The following OR9Q1 variants were observed in gnomAD, a reference collection of about 807,000 sequenced individuals.
OR9Q1 encodes the protein olfactory receptor 9Q1.
For synonymous variants in OR9Q1, 153 were observed against 148.6 expected, an observed-to-expected ratio of 1.03 and a Z score of -0.22; for missense variants, 374 against 378.8, an observed-to-expected ratio of 0.99 and a Z score of 0.11.
At chr11:58,082,760 AT>A (rs1287512627) in intron 2 of OR9Q1, among the ~76,000 whole-genome samples, 6 of 130,788 alleles carry the variant, frequency 4.6e-5, no homozygotes, top group African/African-American at 1.3e-4. Context: ...AATAATAATA[AT>A]AATAATAATA....
chr11:58,106,646 T>C (rs897027301), intron 2 of OR9Q1, among the ~76,000 whole-genome samples: 9 of 152,186 alleles, frequency 5.9e-5, no homozygotes, highest in African/African-American at 2.2e-4. Flanking sequence ...TTTAAGTTTT[T>C]AATCTGTTTA....
chr11:58,118,261 T>G (rs1853978504), intron 2 of OR9Q1: 1 of 385,728 alleles, frequency 2.6e-6, no homozygotes, highest in Admixed American at 4.1e-5. Context: ...TTAGAGAATA[T>G]TAAGAGACTG....
intron 2 of OR9Q1, among the ~76,000 whole-genome samples, chr11:58,129,212 C>A: frequency 6.6e-6 from 1 of 151,088 alleles, no homozygotes; most frequent in African/African-American, 2.4e-5. Context: ...TTAAACCAAC[C>A]ACAAAGGGCC....
intron 2 of OR9Q1, among the ~76,000 whole-genome samples, chr11:58,176,617 G>A (rs1358038919): frequency 6.6e-6 from 1 of 152,136 alleles, no homozygotes; most frequent in Non-Finnish European, 1.5e-5. Context: ...AGAATAAAAC[G>A]GTGTCTTTGG....
chr11:58,057,454 A>G (rs1853339400), intron 2 of OR9Q1, among the ~76,000 whole-genome samples: 1 of 151,976 alleles, frequency 6.6e-6, no homozygotes, highest in Non-Finnish European at 1.5e-5. Context: ...TCTGAACTCT[A>G]TTTCATCTCT....
At chr11:58,037,868 GCCACCACGCC>G (rs1853123268) in intron 1 of OR9Q1, among the ~76,000 whole-genome samples, 1 of 143,872 alleles carries the variant, frequency 7.0e-6, no homozygotes, top group Non-Finnish European at 1.5e-5. Flanking sequence ...ACAGGTGGCT[GCCACCACGCC>G]TGGCTAATTT....
chr11:58,149,719 G>A (rs1854331284), intron 2 of OR9Q1, among the ~76,000 whole-genome samples: 1 of 152,110 alleles, frequency 6.6e-6, no homozygotes, highest in Non-Finnish European at 1.5e-5. Context: ...TAATATTTGT[G>A]TTTCTGTGTC....
intron 1 of OR9Q1, chr11:58,031,088 G>C (rs1217528290): frequency 5.6e-6 from 9 of 1,614,120 alleles, no homozygotes; most frequent in South Asian, 1.1e-5. Context: ...GGAGAATTTG[G>C]CCATCATTTT....
intron 2 of OR9Q1, among the ~76,000 whole-genome samples, chr11:58,152,120 G>A (rs1416686743): frequency 6.6e-6 from 1 of 152,094 alleles, no homozygotes; most frequent in Non-Finnish European, 1.5e-5. Context: ...ATCTGTAACT[G>A]GTATTACAAG....
chr11:58,150,421 C>A (rs941255176), intron 2 of OR9Q1, among the ~76,000 whole-genome samples: 1 of 152,118 alleles, frequency 6.6e-6, no homozygotes, highest in Non-Finnish European at 1.5e-5. Flanking sequence ...TATGATGAGA[C>A]CTTGCCTCTA....
chr11:58,108,427 C>G (rs150957503), intron 2 of OR9Q1, among the ~76,000 whole-genome samples: 1 of 152,124 alleles, frequency 6.6e-6, no homozygotes, highest in Non-Finnish European at 1.5e-5. Context: ...TCGCTTATGA[C>G]TATGCTACTT....
chr11:58,111,726 A>T (rs1448250139), intron 2 of OR9Q1, among the ~76,000 whole-genome samples: 1 of 152,154 alleles, frequency 6.6e-6, no homozygotes, highest in African/African-American at 2.4e-5. Context: ...ACACAATGGC[A>T]TCTCTTCTGG....
At chr11:58,074,505 G>C (rs900530731) in intron 2 of OR9Q1, among the ~76,000 whole-genome samples, 1 of 148,808 alleles carries the variant, frequency 6.7e-6, no homozygotes, top group African/African-American at 2.5e-5. Flanking sequence ...CTGGATATTA[G>C]ACTTTTGTCG....
At chr11:58,141,620 C>A (rs974750319) in intron 2 of OR9Q1, among the ~76,000 whole-genome samples, 1 of 152,082 alleles carries the variant, frequency 6.6e-6, no homozygotes, top group East Asian at 1.9e-4. Context: ...ATTCGGTTTG[C>A]CAGTGTTTTA....
At chr11:58,128,368 A>G (rs891629629) in intron 2 of OR9Q1, among the ~76,000 whole-genome samples, 4 of 152,196 alleles carry the variant, frequency 2.6e-5, no homozygotes, top group African/African-American at 7.2e-5. Flanking sequence ...GAATTGGTAG[A>G]TACATCAGTA....
At chr11:58,165,585 C>G (rs949393265) in intron 2 of OR9Q1, among the ~76,000 whole-genome samples, 11 of 152,174 alleles carry the variant, frequency 7.2e-5, no homozygotes, top group Admixed American at 7.2e-4. Flanking sequence ...TGTCTGTTTT[C>G]CCCAATGGGC....
At chr11:58,139,828 T>A (rs1854227185) in intron 2 of OR9Q1, among the ~76,000 whole-genome samples, 2 of 151,916 alleles carry the variant, frequency 1.3e-5, no homozygotes, top group Non-Finnish European at 1.5e-5. Context: ...CAAATGCTAT[T>A]TCTAGTTCTA....
intron 2 of OR9Q1, among the ~76,000 whole-genome samples, chr11:58,067,230 G>T (rs1247773844): frequency 6.6e-6 from 1 of 151,970 alleles, no homozygotes; most frequent in Non-Finnish European, 1.5e-5. Flanking sequence ...TAGAGACAGG[G>T]TTTCACCGTG....
chr11:58,028,237 T>C (rs960775050), intron 1 of OR9Q1, among the ~76,000 whole-genome samples: 2 of 152,166 alleles, frequency 1.3e-5, no homozygotes, highest in Admixed American at 6.5e-5. Flanking sequence ...GCTGGGGGCA[T>C]CTGTACCCTC....
Sources: gnomAD v4.1 joint callset for allele counts (sites outside exome capture counted in the v4.1 genomes callset) on GRCh38, gnomAD v4.1.1 for gene constraint, MANE v1.5 for transcripts, NCBI Gene and HGNC (gene_info 2026-07-23, HGNC 2026-07-21) for gene names.